The following ANKH variants were observed in gnomAD, a reference collection of about 807,000 sequenced individuals.
ANKH encodes the protein mineralization regulator ANKH.
In ANKH, 15 loss-of-function variants were observed where a neutral mutation model predicts 49.0. The ratio of observed to expected loss-of-function variants is 0.31; its 90% CI spans 0.20 to 0.47. The LOEUF (loss-of-function observed/expected upper bound fraction) is 0.47. Ranked by LOEUF, ANKH falls within the 20% of genes least tolerant of loss-of-function variation. The pLI, the probability that ANKH is intolerant of heterozygous loss-of-function variation, is 1.00. For synonymous variants in ANKH, 273 were observed against 260.0 expected (o/e 1.05, Z -0.48); for missense variants, 429 against 652.0 (o/e 0.66, Z 3.72).
At chr5:14,729,424 GTAA>G (rs1266677593) in intron 8 of ANKH, among the ~76,000 whole-genome samples, 1 of 151,324 alleles carries the variant, frequency 6.6e-6, no homozygotes, top group Non-Finnish European at 1.5e-5. Flanking sequence ...CTGACCTCAG[GTAA>G]TCTGCCCGCC....
intron 1 of ANKH, among the ~76,000 whole-genome samples, chr5:14,819,324 G>A (rs1010716024): frequency 6.6e-6 from 1 of 152,198 alleles, no homozygotes; most frequent in Non-Finnish European, 1.5e-5. Context: ...ACAAGTCCAG[G>A]CACCCATATC....
chr5:14,811,766 T>G (rs1448524306), intron 1 of ANKH, among the ~76,000 whole-genome samples: 1 of 152,232 alleles, frequency 6.6e-6, no homozygotes, highest in African/African-American at 2.4e-5. Context: ...TAAAAAAATT[T>G]CTGAGCAGTT....
At chr5:14,761,477 C>T (rs1739076868) in intron 2 of ANKH, among the ~76,000 whole-genome samples, 4 of 152,208 alleles carry the variant, frequency 2.6e-5, no homozygotes, top group Admixed American at 1.3e-4. Context: ...ATAAGCTTCT[C>T]CCTGCTGAGA....
chr5:14,800,919 T>A (rs1413433806), intron 1 of ANKH, among the ~76,000 whole-genome samples: 1 of 151,582 alleles, frequency 6.6e-6, no homozygotes, highest in Non-Finnish European at 1.5e-5. Flanking sequence ...AAAGATGAGG[T>A]CTTGGCATGA....
intron 1 of ANKH, among the ~76,000 whole-genome samples, chr5:14,808,688 GT>G (rs2126569809): frequency 6.6e-6 from 1 of 150,656 alleles, no homozygotes; most frequent in African/African-American, 2.4e-5. Context: ...GAAACAACAG[GT>G]GCTGGAGAGG....
intron 1 of ANKH, among the ~76,000 whole-genome samples, chr5:14,819,883 C>T (rs1741145945): frequency 1.5e-5 from 2 of 136,946 alleles, no homozygotes; most frequent in South Asian, 4.7e-4. Flanking sequence ...ACAACAACAA[C>T]AACAACAACA....
chr5:14,765,299 G>A (rs1288366760), intron 2 of ANKH, among the ~76,000 whole-genome samples: 3 of 152,218 alleles, frequency 2.0e-5, no homozygotes, highest in African/African-American at 7.2e-5. Context: ...GGTATCTAGA[G>A]CCAGGCTATG....
At chr5:14,814,290 C>A (rs1224655576) in intron 1 of ANKH, among the ~76,000 whole-genome samples, 1 of 152,152 alleles carries the variant, frequency 6.6e-6, no homozygotes, top group Non-Finnish European at 1.5e-5. Context: ...CAGCTTCTAG[C>A]GAATAGCAGG....
chr5:14,711,265 C>T lies in ANKH; in HGVS notation c.1411G>A (p.Ala471Thr), dbSNP rs759579673. 10 of 1,614,044 alleles carry T rather than the reference C, an allele frequency of 6.2e-6. No homozygotes were observed. The highest frequency in any genetic ancestry group is 8.5e-6 in the Non-Finnish European group (10 of 1,180,038). Reference sequence around the variant, plus strand: ...TCTGTCGGAGGCATGTCTGTCATGGCAGAGTCTTCCCCCTCCGTGGCCGAC... The same window carrying T: ...TCTGTCGGAGGCATGTCTGTCATGGTAGAGTCTTCCCCCTCCGTGGCCGAC... ...NESATEGEDS[A>T]MTDMPPTEEV... Residue 471 changes from alanine to threonine, a missense_variant, in exon 12 of 12, where the codon GCC (alanine) becomes ACC (threonine). By Grantham distance (58) the Ala-to-Thr change is moderately conservative. Around this residue, in one of 2 missense-constraint regions of ANKH, gnomAD observed 51 missense variants for 36.7 expected, o/e 1.39. Transcript: ENST00000284268.
At chr5:14,832,653 A>C (rs1169808427) in intron 1 of ANKH, among the ~76,000 whole-genome samples, 3 of 152,222 alleles carry the variant, frequency 2.0e-5, no homozygotes, top group East Asian at 3.8e-4. Context: ...AGAACGGATA[A>C]ATTAAATTTT....
chr5:14,794,696 A>G (rs1374750991), intron 1 of ANKH, among the ~76,000 whole-genome samples: 1 of 152,272 alleles, frequency 6.6e-6, no homozygotes, highest in East Asian at 1.9e-4. Context: ...CTTCAGAAGC[A>G]GATGAGAGAG....
intron 8 of ANKH, among the ~76,000 whole-genome samples, chr5:14,718,891 T>TA (rs1255447937): frequency 6.9e-6 from 1 of 145,394 alleles, no homozygotes; most frequent in Non-Finnish European, 1.5e-5. Flanking sequence ...ATTCACAAGT[T>TA]AGCAGTAAGA....
intron 1 of ANKH, among the ~76,000 whole-genome samples, chr5:14,780,700 A>T (rs1175582975): frequency 6.6e-6 from 1 of 152,232 alleles, no homozygotes; most frequent in African/African-American, 2.4e-5. Flanking sequence ...ACTTTCAGTA[A>T]GATGAATACT....
Position 14,719,807 on chromosome 5 carries a change from T to C in ANKH, c.1012-2972A>G, listed in dbSNP as rs1048944492. ...AGAGGTGGGCTGGGGACATGGCTAC[T>C]GTGAGTTACAATCCTTACAGAGCTG... On this transcript the variant is annotated intron_variant, in intron 8 of 11. Coordinates refer to ENST00000284268, the MANE Select transcript of ANKH (RefSeq NM_054027.6). 4.6e-5 allele frequency among the ~76,000 whole-genome samples: 7 copies of C among 152,314 alleles called. No homozygotes were observed. The South Asian group carries it at 1.0e-3, about 23-fold the overall frequency.
At chr5:14,823,653 G>A (rs558339889) in intron 1 of ANKH, among the ~76,000 whole-genome samples, 3 of 152,310 alleles carry the variant, frequency 2.0e-5, no homozygotes, top group Admixed American at 6.5e-5. Context: ...TTGGCAGGGC[G>A]CGGTTGCTGA....
rs973326790 is a variant in ANKH at position 14,710,444 on chromosome 5, T to TG, written c.*752dup. On this transcript the variant is annotated 3_prime_UTR_variant, in exon 12 of 12. Coordinates refer to ENST00000284268, the MANE Select transcript of ANKH (RefSeq NM_054027.6). ...AAAGTTAGCTCATGTATATACACGG[T>TG]GGGGGTGAGAACTGACAGCTTGCTC... 2 of 152,442 alleles carry TG rather than the reference T, an allele frequency of 1.3e-5. No homozygotes were observed. The highest frequency in any genetic ancestry group is 4.8e-5 in the African/African-American group (2 of 41,446). 9.4% of individuals were successfully genotyped at this position (152,442 alleles called of 1,614,324 possible). A position where few individuals can be genotyped will look rare whatever the true frequency, so the allele number is the denominator to read the frequency against.
chr5:14,805,086 T>C (rs1274790945), intron 1 of ANKH, among the ~76,000 whole-genome samples: 1 of 152,110 alleles, frequency 6.6e-6, no homozygotes, highest in African/African-American at 2.4e-5. Context: ...GAGATGAACA[T>C]TTGAGTCAGT....
intron 1 of ANKH, among the ~76,000 whole-genome samples, chr5:14,857,163 C>T (rs1215931083): frequency 2.6e-5 from 4 of 152,150 alleles, no homozygotes; most frequent in Middle Eastern, 3.4e-3. Context: ...TGCCTGGTAC[C>T]TCCAAACATC....
chr5:14,837,536 C>G lies in ANKH; in HGVS notation c.96+33816G>C, dbSNP rs1299476787. On this transcript the variant is annotated intron_variant, in intron 1 of 11. Transcript: ENST00000284268. ...ACACATGAAAAAATGCTCATCATCACTGGCCATCAGAGAAATGCAAATCAA... is the reference window on the plus strand; with the variant it reads ...ACACATGAAAAAATGCTCATCATCAGTGGCCATCAGAGAAATGCAAATCAA... Among the ~76,000 whole-genome samples, 3 of 152,306 alleles carry G rather than the reference C, an allele frequency of 2.0e-5. No homozygotes were observed. In the East Asian group the frequency reaches 5.8e-4, roughly 29 times the overall value.
Sources: gnomAD v4.1 joint callset for allele counts (sites outside exome capture counted in the v4.1 genomes callset) on GRCh38, gnomAD v4.1.1 for gene constraint, gnomAD v4.1.1 regional missense constraint, MANE v1.5 for transcripts, NCBI Gene and HGNC (gene_info 2026-07-23, HGNC 2026-07-21) for gene names.